Variants in RERE observed in about 807,000 individuals in gnomAD.
RERE encodes arginine-glutamic acid dipeptide repeats protein.
RERE carries 40 observed loss-of-function variants against 146.1 expected under a neutral mutation model. The ratio of observed to expected loss-of-function variants is 0.27; its 90% CI spans 0.21 to 0.36. The LOEUF (loss-of-function observed/expected upper bound fraction) is 0.36, where lower values mean the gene tolerates loss of function less well. RERE is among the 10% of genes least tolerant of loss of function. RERE has a pLI of 1.00. For synonymous variants in RERE, 1,003 were observed against 866.0 expected (o/e 1.16, Z -2.78); for missense variants, 1,933 against 2,138.7 (o/e 0.90, Z 1.90).
intron 12 of RERE, among the ~76,000 whole-genome samples, chr1:8,371,864 G>T (rs572269350): frequency 1.3e-5 from 2 of 152,212 alleles, no homozygotes; most frequent in Non-Finnish European, 2.9e-5. Context: ...GTAAGTGATA[G>T]GCAACCCGAC....
intron 1 of RERE, chr1:8,750,930 T>A: frequency 1.3e-6 from 1 of 769,920 alleles, no homozygotes. Context: ...CAAATTGCTT[T>A]GACAGATAAC....
chr1:8,535,730 C>A (rs1436134225), intron 7 of RERE, among the ~76,000 whole-genome samples: 5 of 149,100 alleles, frequency 3.4e-5, no homozygotes, highest in South Asian at 2.1e-4. Flanking sequence ...TAAGCCTCAA[C>A]ACTGCTGCAA....
chr1:8,423,568 C>T lies in RERE; in HGVS notation c.1204-761G>A. 1.0e-6 allele frequency: 1 copy of T among 985,300 alleles called. No individual in the cohort carries two copies. Among genetic ancestry groups the T allele is most frequent in the Non-Finnish European group, 1.2e-6 (1 of 829,874 alleles). The allele number at this position is 985,300 out of a possible 1,614,324, so 61.0% of individuals were successfully genotyped here. On this transcript the variant is annotated intron_variant, in intron 11 of 22. Transcript: ENST00000400908. This position sits in a 1 kb window ranked among gnomAD's most constrained non-coding sequence, Gnocchi z 5.4. ...CTGGCTCCGAGCCCCCACCTCGGGGCTCCCAGCCTGGTCCCGGGCGGCCGA... is the reference window on the plus strand; with the variant it reads ...CTGGCTCCGAGCCCCCACCTCGGGGTTCCCAGCCTGGTCCCGGGCGGCCGA...
chr1:8,417,093 T>C (rs1643797684), intron 12 of RERE, among the ~76,000 whole-genome samples: 1 of 152,260 alleles, frequency 6.6e-6, no homozygotes, highest in Non-Finnish European at 1.5e-5. Context: ...CCATACTTTG[T>C]TATGCAACAT....
intron 1 of RERE, among the ~76,000 whole-genome samples, chr1:8,799,971 G>A (rs575449464): frequency 1.7e-3 from 263 of 151,978 alleles, no homozygotes; most frequent in African/African-American, 5.8e-3. Flanking sequence ...CCACCACCAC[G>A]TCCAGCTAAT....
At position 8,715,682 on chromosome 1, in the gene RERE, T is replaced by C. The variant is rs757647162; in HGVS notation, c.-144-59241A>G. Among the ~76,000 whole-genome samples, 19 of 152,152 alleles carry C rather than the reference T, an allele frequency of 1.2e-4. No individual in the cohort carries two copies. In the East Asian group the frequency reaches 2.1e-3, roughly 17 times the overall value. On this transcript the variant is annotated intron_variant, in intron 1 of 22. Transcript: ENST00000400908. ...ACTTTGGGAGGCCACAGCAGGCAGA[T>C]TGCTTGAGCTCAAGAGTTCAGGACC...
intron 1 of RERE, among the ~76,000 whole-genome samples, chr1:8,752,814 ATT>A (rs1640565705): frequency 6.6e-6 from 1 of 152,166 alleles, no homozygotes; most frequent in African/African-American, 2.4e-5. Flanking sequence ...TAATTTTTAA[ATT>A]TTGTTTTCAT....
chr1:8,364,708 CCCCCG>C lies in RERE; in HGVS notation c.1540+33_1540+37del. 6.7e-7 allele frequency: 1 copy of C among 1,487,162 alleles called. No individual in the cohort carries two copies. The highest frequency in any genetic ancestry group is 9.4e-7 in the Non-Finnish European group (1 of 1,065,186). The allele number at this position is 1,487,162 out of a possible 1,614,324, so 92.1% of individuals were successfully genotyped here. On this transcript the variant is annotated intron_variant, in intron 14 of 22. Transcript: ENST00000400908. The surrounding 1 kb of genome is among the most constrained non-coding windows in gnomAD (Gnocchi z 5.1). ...TGTTCAGAACATGGAAGTGCTTGTG[CCCCCG>C]CCCCGCCCCAGGAGCGTGACGAGGC...
chr1:8,499,445 C>T (rs1404815340), intron 8 of RERE, among the ~76,000 whole-genome samples: 3 of 152,172 alleles, frequency 2.0e-5, no homozygotes, highest in East Asian at 1.9e-4. Flanking sequence ...AAGTGGACCA[C>T]GGGGAAATGG....
In RERE at chr1:8,360,496, G is replaced by A. The variant is rs768113568; in HGVS notation, c.3011C>T (p.Pro1004Leu). 2.4e-5 allele frequency: 33 copies of A among 1,386,158 alleles called. No individual in the cohort carries two copies. Among genetic ancestry groups the A allele is most frequent in the South Asian group, 4.5e-5 (3 of 67,102 alleles). The allele number at this position is 1,386,158 out of a possible 1,614,324, so 85.9% of individuals were successfully genotyped here. ...SQPLPSSPAQPPGLTQSQNLP... is the reference protein window; with the variant it reads ...SQPLPSSPAQLPGLTQSQNLP... ...GTTCTGGCTCTGGGTCAGCCCGGGG[G>A]GCTGGGCGGGCGAGGAGGGCAATGG... is the stretch of plus-strand genomic sequence containing the variant. The change falls in exon 18 of 23, where the codon CCC (proline) becomes CTC (leucine). Residue 1004 changes from proline to leucine, a missense_variant. Pro to Leu is a moderately conservative substitution (Grantham distance 98, BLOSUM62 -3). Coordinates refer to ENST00000400908, the MANE Select transcript of RERE (RefSeq NM_001042681.2).
At chr1:8,716,528 GAC>G in intron 1 of RERE, among the ~76,000 whole-genome samples, 1 of 151,852 alleles carries the variant, frequency 6.6e-6, no homozygotes, top group Non-Finnish European at 1.5e-5. Context: ...TGAGATAAGT[GAC>G]AAAATAAATG....
rs767569671 is a variant in RERE, at chr1:8,505,064, A to G, written c.879+3563T>C. Among the ~76,000 whole-genome samples, 44 of 152,310 alleles carry G rather than the reference A, an allele frequency of 2.9e-4. No individual in the cohort carries two copies. The South Asian group carries it at 3.5e-3, about 12-fold the overall frequency. On this transcript the variant is annotated intron_variant, in intron 8 of 22. Transcript: ENST00000400908. Reference sequence around the variant, plus strand: ...AAATTTAATGCAATCAGCCAAATCTAGACTGCAGAACACCCTACAGGATGA... The same window carrying G: ...AAATTTAATGCAATCAGCCAAATCTGGACTGCAGAACACCCTACAGGATGA...
chr1:8,721,021 A>T (rs1569630642), intron 1 of RERE, among the ~76,000 whole-genome samples: 1 of 152,024 alleles, frequency 6.6e-6, no homozygotes, highest in East Asian at 1.9e-4. Context: ...ACCACCACAC[A>T]CCAGCCTGGG....
At chr1:8,414,679 G>C (rs1055493536) in intron 12 of RERE, among the ~76,000 whole-genome samples, 1 of 151,712 alleles carries the variant, frequency 6.6e-6, no homozygotes, top group Admixed American at 6.6e-5. Context: ...AAAGTGGGGG[G>C]GTCGGTGGGG....
intron 7 of RERE, among the ~76,000 whole-genome samples, chr1:8,525,135 C>T (rs1645554441): frequency 6.6e-6 from 1 of 152,124 alleles, no homozygotes; most frequent in East Asian, 1.9e-4. Context: ...TAAGTAAAAA[C>T]TGATGTGACA....
At chr1:8,791,610 TACA>T (rs1168654203) in intron 1 of RERE, among the ~76,000 whole-genome samples, 1 of 152,234 alleles carries the variant, frequency 6.6e-6, no homozygotes, top group African/African-American at 2.4e-5. Flanking sequence ...AGATCATTTC[TACA>T]ACAAGTTACA....
chr1:8,437,732 C>G (rs1355460047), intron 11 of RERE, among the ~76,000 whole-genome samples: 1 of 152,166 alleles, frequency 6.6e-6, no homozygotes, highest in Non-Finnish European at 1.5e-5. Flanking sequence ...TACAAACATA[C>G]TAATAGCTCA....
chr1:8,374,738 CG>C (rs1642173447), intron 12 of RERE, among the ~76,000 whole-genome samples: 1 of 152,214 alleles, frequency 6.6e-6, no homozygotes, highest in African/African-American at 2.4e-5. Flanking sequence ...TCTGTGTTAC[CG>C]GAAGACTTTT....
chr1:8,371,696 T>C (rs560522794), intron 12 of RERE, among the ~76,000 whole-genome samples: 2 of 152,316 alleles, frequency 1.3e-5, no homozygotes, highest in Admixed American at 6.5e-5. Flanking sequence ...ACGTAAGACA[T>C]CAGCACAGGT....
Sources: gnomAD v4.1 joint callset for allele counts (sites outside exome capture counted in the v4.1 genomes callset) on GRCh38, gnomAD v4.1.1 for gene constraint, Gnocchi (gnomAD v3.1) non-coding constraint, MANE v1.5 for transcripts, NCBI Gene and HGNC (gene_info 2026-07-23, HGNC 2026-07-21) for gene names.